SLC25A26: variants seen among roughly 807,000 people sequenced by gnomAD.
The protein encoded by SLC25A26 is mitochondrial S-adenosylmethionine carrier protein.
SLC25A26 carries 36 observed loss-of-function variants against 37.8 expected under a neutral mutation model. The observed-to-expected ratio is 0.95, with a 90% CI of 0.73 to 1.26. The LOEUF (loss-of-function observed/expected upper bound fraction) is 1.26, where lower values mean the gene tolerates loss of function less well. Ranked by LOEUF, SLC25A26 falls within the 50% of genes most tolerant of loss-of-function variation. The pLI is 0.00. For missense variants in SLC25A26, 390 were observed against 331.1 expected (o/e 1.18, Z -1.38); for synonymous variants, 129 against 122.5 (o/e 1.05, Z -0.35).
intron 5 of SLC25A26, among the ~76,000 whole-genome samples, chr3:66,328,477 T>C (rs1156813478): frequency 6.6e-6 from 1 of 152,166 alleles, no homozygotes; most frequent in Non-Finnish European, 1.5e-5. Context: ...AGCTCACATA[T>C]TTTTAAATGG....
intron 1 of SLC25A26, among the ~76,000 whole-genome samples, chr3:66,210,251 T>A (rs1395727526): frequency 2.0e-5 from 3 of 151,946 alleles, no homozygotes; most frequent in African/African-American, 7.2e-5. Flanking sequence ...GAGACAGATA[T>A]TAATAACATC....
At position 66,235,462 on chromosome 3, in the gene SLC25A26, T is replaced by TAA. The variant is rs373709228; in HGVS notation, c.34-1076_34-1075dup. On this transcript the variant is annotated intron_variant, in intron 1 of 9. Coordinates refer to ENST00000354883, the MANE Select transcript of SLC25A26 (RefSeq NM_001379210.1). Reference sequence around the variant, plus strand: ...TAATTTCCTTTAGGAATTTAGCTCTTAAAAAAATCAATTTATTCACTTGAT... The same window carrying TAA: ...TAATTTCCTTTAGGAATTTAGCTCTTAAAAAAAAATCAATTTATTCACTTGAT... Among the ~76,000 whole-genome samples the TAA allele has an allele frequency of 1.3e-3, 202 of 152,194 alleles. 3 individuals are homozygous for TAA. Among genetic ancestry groups the TAA allele is most frequent in the Admixed American group, 9.5e-3 (145 of 15,286 alleles).
chr3:66,338,394 C>T (rs575472047), intron 5 of SLC25A26, among the ~76,000 whole-genome samples: 1 of 152,024 alleles, frequency 6.6e-6, no homozygotes, highest in South Asian at 2.1e-4. Context: ...TGTACGTTCC[C>T]ACTAGCAAAG....
rs1559756128 is a variant in SLC25A26 at position 66,377,779 on chromosome 3, T to C, written c.797T>C (p.Leu266Pro). The C allele has an allele frequency of 6.2e-7, 1 of 1,613,936 alleles. No individual in the cohort carries two copies. The highest frequency in any genetic ancestry group is 1.7e-5 in the Admixed American group (1 of 60,022). Reference sequence around the variant, plus strand: ...GCTTATGACCGAACGCACAGCTTGCTGTTGGAAGTTGGCAGAAAGAGTCCT... The same window carrying C: ...GCTTATGACCGAACGCACAGCTTGCCGTTGGAAGTTGGCAGAAAGAGTCCT... ...LGAYDRTHSL[L>P]LEVGRKSP Residue 266 changes from leucine (L) to proline (P), a missense_variant, in exon 10 of 10, where the codon CTG becomes CCG. Physicochemically the swap from Leu to Pro is moderately conservative, Grantham distance 98 (BLOSUM62 -3). Transcript: ENST00000354883.
At chr3:66,148,737 T>C (rs887752969) in intron 1 of SLC25A26, among the ~76,000 whole-genome samples, 2 of 152,224 alleles carry the variant, frequency 1.3e-5, no homozygotes, top group African/African-American at 4.8e-5. Context: ...CTTTATAGAA[T>C]TGATCTTCTA....
At chr3:66,297,873 C>T (rs1412385475) in intron 5 of SLC25A26, among the ~76,000 whole-genome samples, 1 of 152,166 alleles carries the variant, frequency 6.6e-6, no homozygotes. Context: ...GATTAGATTT[C>T]CTTTTTGTCA....
intron 3 of SLC25A26, among the ~76,000 whole-genome samples, chr3:66,249,910 A>G (rs2073013718): frequency 6.6e-6 from 1 of 152,222 alleles, no homozygotes. Flanking sequence ...AGTGCACTCA[A>G]ACAAACACTT....
At chr3:66,322,359 A>C (rs1185306961) in intron 5 of SLC25A26, among the ~76,000 whole-genome samples, 1 of 152,242 alleles carries the variant, frequency 6.6e-6, no homozygotes, top group African/African-American at 2.4e-5. Flanking sequence ...CTCATTAAGC[A>C]ATGAGATTCA....
Position 66,367,223 on chromosome 3 carries a change from GC to G in SLC25A26, c.569-2252del, listed in dbSNP as rs2076843256. Among the ~76,000 whole-genome samples the G allele has an allele frequency of 2.0e-5, 3 of 152,122 alleles. 1 individual carries two copies. On this transcript the variant is annotated intron_variant, in intron 7 of 9. Transcript: ENST00000354883. ...ATGCTGTTCCAAACATGTTGCGTAGGCCCATTTAATTCCTGTGTCATACTAC... is the reference window on the plus strand; with the variant it reads ...ATGCTGTTCCAAACATGTTGCGTAGGCCATTTAATTCCTGTGTCATACTAC...
chr3:66,292,411 G>C (rs1253890027), intron 5 of SLC25A26, among the ~76,000 whole-genome samples: 1 of 152,110 alleles, frequency 6.6e-6, no homozygotes, highest in Non-Finnish European at 1.5e-5. Flanking sequence ...TTTACAATTT[G>C]GTATGTTTTT....
chr3:66,280,312 A>AT (rs545177022), intron 5 of SLC25A26, among the ~76,000 whole-genome samples: 99 of 152,176 alleles, frequency 6.5e-4, no homozygotes, highest in Non-Finnish European at 1.2e-3. Context: ...TTTCATATAT[A>AT]TTTTTTTCAT....
intron 9 of SLC25A26, chr3:66,371,351 GT>G (rs1324685399): frequency 1.3e-6 from 2 of 1,542,984 alleles, no homozygotes; most frequent in African/African-American, 1.4e-5. Flanking sequence ...TGTGATTGTA[GT>G]TTTTGTGTAC....
intron 1 of SLC25A26, among the ~76,000 whole-genome samples, chr3:66,189,073 C>G (rs982301266): frequency 6.6e-6 from 1 of 152,166 alleles, no homozygotes; most frequent in African/African-American, 2.4e-5. Context: ...ATGACTGTGC[C>G]TGTGCCTCAT....
chr3:66,139,523 A>C (rs2070002788), intron 1 of SLC25A26, among the ~76,000 whole-genome samples: 1 of 152,230 alleles, frequency 6.6e-6, no homozygotes, highest in Non-Finnish European at 1.5e-5. Context: ...GAAGCAGCAC[A>C]CATTTCTTTC....
At chr3:66,283,240 G>C (rs1195571803) in intron 5 of SLC25A26, among the ~76,000 whole-genome samples, 1 of 152,114 alleles carries the variant, frequency 6.6e-6, no homozygotes, top group African/African-American at 2.4e-5. Flanking sequence ...GGGCCATGTG[G>C]TGAGTGTATA....
chr3:66,211,903 A>G (rs1380196997), intron 1 of SLC25A26, among the ~76,000 whole-genome samples: 2 of 152,222 alleles, frequency 1.3e-5, no homozygotes, highest in Non-Finnish European at 2.9e-5. Context: ...ATGAGCAACC[A>G]TCACTACTAT....
At chr3:66,169,663 G>A (rs1327847255) in intron 1 of SLC25A26, among the ~76,000 whole-genome samples, 1 of 152,154 alleles carries the variant, frequency 6.6e-6, no homozygotes, top group African/African-American at 2.4e-5. Context: ...TAGAAACAAT[G>A]TCAAATGTAT....
chr3:66,227,553 T>C (rs1344531037), intron 1 of SLC25A26, among the ~76,000 whole-genome samples: 2 of 152,234 alleles, frequency 1.3e-5, no homozygotes, highest in Non-Finnish European at 2.9e-5. Flanking sequence ...ATAGTTAATA[T>C]GCTGTGGTAA....
intron 5 of SLC25A26, among the ~76,000 whole-genome samples, chr3:66,311,432 G>C (rs1376048278): frequency 6.6e-6 from 1 of 151,982 alleles, no homozygotes; most frequent in Admixed American, 6.6e-5. Flanking sequence ...CATTGGGTTA[G>C]AACATGCTCC....
Sources: gnomAD v4.1 joint callset for allele counts (sites outside exome capture counted in the v4.1 genomes callset) on GRCh38, gnomAD v4.1.1 for gene constraint, MANE v1.5 for transcripts, NCBI Gene and HGNC (gene_info 2026-07-23, HGNC 2026-07-21) for gene names.